The following NRG1 variants were observed in gnomAD, a reference collection of about 807,000 sequenced individuals.
NRG1 encodes the protein neuregulin 1.
Under a neutral mutation model 63.8 loss-of-function variants are expected in NRG1, and 18 were observed. That is an observed-to-expected ratio of 0.28 (90% CI 0.19 to 0.42). NRG1 has a LOEUF of 0.42. Ranked by LOEUF, NRG1 falls within the 10% of genes least tolerant of loss-of-function variation. The pLI is 1.00. For synonymous variants in NRG1, 302 were observed against 301.3 expected, an observed-to-expected ratio of 1.00 and a Z score of -0.02; for missense variants, 762 against 814.7, an observed-to-expected ratio of 0.94 and a Z score of 0.79.
At chr8:32,758,106 G>A (rs1332991933) in intron 9 of NRG1, among the ~76,000 whole-genome samples, 2 of 152,060 alleles carry the variant, frequency 1.3e-5, no homozygotes, top group South Asian at 2.1e-4. Flanking sequence ...TTTAGAGCCC[G>A]CAGACCGTCA....
rs563407467 is a variant in NRG1 at position 31,929,702 on chromosome 8, T to C, written c.37+290271T>C. Reference sequence around the variant, plus strand: ...CCCAACTAAGACATATAACTTCCTGTTATCCTTTCACTACCTTTGATAACA... The same window carrying C: ...CCCAACTAAGACATATAACTTCCTGCTATCCTTTCACTACCTTTGATAACA... On this transcript the variant is annotated intron_variant, in intron 1 of 10. Transcript: ENST00000519301. Among the ~76,000 whole-genome samples the C allele has an allele frequency of 5.4e-4, 82 of 152,350 alleles. 3 individuals are homozygous for C. In the South Asian group the frequency reaches 0.016, roughly 30 times the overall value.
intron 1 of NRG1, among the ~76,000 whole-genome samples, chr8:31,875,399 G>A (rs1209733015): frequency 6.6e-6 from 1 of 152,116 alleles, no homozygotes; most frequent in African/African-American, 2.4e-5. Context: ...ATAAAGAAAG[G>A]CCACTTTATA....
At chr8:32,288,090 C>T (rs905674239) in intron 1 of NRG1, among the ~76,000 whole-genome samples, 2 of 152,138 alleles carry the variant, frequency 1.3e-5, no homozygotes, top group Non-Finnish European at 2.9e-5. Context: ...TTTCAATCAA[C>T]GTGGGTAGAG....
chr8:32,159,511 G>A (rs1366260240), intron 1 of NRG1, among the ~76,000 whole-genome samples: 2 of 146,128 alleles, frequency 1.4e-5, no homozygotes, highest in African/African-American at 2.7e-5. Context: ...TCCGCAGTCC[G>A]GCCTGGGCGA....
At chr8:31,904,577 A>G (rs1314222380) in intron 1 of NRG1, among the ~76,000 whole-genome samples, 1 of 152,210 alleles carries the variant, frequency 6.6e-6, no homozygotes, top group African/African-American at 2.4e-5. Flanking sequence ...ACACGCATGC[A>G]TATGTTCATC....
chr8:32,434,392 T>A (rs1818531821), intron 1 of NRG1, among the ~76,000 whole-genome samples: 1 of 152,092 alleles, frequency 6.6e-6, no homozygotes, highest in Non-Finnish European at 1.5e-5. Context: ...ATATGTAGGA[T>A]TATCCAGACT....
intron 1 of NRG1, among the ~76,000 whole-genome samples, chr8:32,186,875 G>A (rs1842023924): frequency 6.6e-6 from 1 of 152,176 alleles, no homozygotes; most frequent in Non-Finnish European, 1.5e-5. Context: ...GAGTTCCACA[G>A]TCAGAACCTT....
chr8:32,414,309 G>A (rs1815550551), intron 1 of NRG1, among the ~76,000 whole-genome samples: 1 of 152,126 alleles, frequency 6.6e-6, no homozygotes, highest in South Asian at 2.1e-4. Context: ...TGTTCAGCTC[G>A]AAGCTGACTC....
upstream of NRG1, among the ~76,000 whole-genome samples, chr8:32,547,277 A>C (rs1209992328): frequency 6.6e-6 from 1 of 152,138 alleles, no homozygotes. Flanking sequence ...AGGGAGGACA[A>C]GGGAAGGAGT....
Position 31,840,479 on chromosome 8 carries a change from C to A in NRG1, c.37+201048C>A, listed in dbSNP as rs534229338. Among the ~76,000 whole-genome samples the A allele has an allele frequency of 4.1e-4, 62 of 151,848 alleles. 1 individual carries two copies. Among genetic ancestry groups the A allele is most frequent in the African/African-American group, 1.3e-3 (54 of 41,396 alleles). On this transcript the variant is annotated intron_variant, in intron 1 of 10. Coordinates refer to the NRG1 transcript ENST00000519301. ...CAAGTCTGACTGCATTCCACCTGGA[C>A]CCTGCCTTTGTCTCTCATGTTTTTA... is the stretch of plus-strand genomic sequence containing the variant.
chr8:32,089,965 G>A (rs944688170), intron 1 of NRG1, among the ~76,000 whole-genome samples: 1 of 152,154 alleles, frequency 6.6e-6, no homozygotes, highest in Non-Finnish European at 1.5e-5. Flanking sequence ...AATGTATGTG[G>A]TGAAACAGAA....
intron 1 of NRG1, among the ~76,000 whole-genome samples, chr8:32,057,686 C>G (rs1457611379): frequency 6.6e-6 from 1 of 152,132 alleles, no homozygotes; most frequent in Non-Finnish European, 1.5e-5. Flanking sequence ...TCATTTCAGT[C>G]TTTTTGAACT....
chr8:31,901,779 A>G (rs933955789), intron 1 of NRG1, among the ~76,000 whole-genome samples: 2 of 152,184 alleles, frequency 1.3e-5, no homozygotes, highest in Admixed American at 6.5e-5. Flanking sequence ...GACTCATTGA[A>G]GCTCCAGGAA....
intron 1 of NRG1, among the ~76,000 whole-genome samples, chr8:31,925,772 A>T (rs1834312475): frequency 6.6e-6 from 1 of 152,176 alleles, no homozygotes; most frequent in Non-Finnish European, 1.5e-5. Context: ...ATTCAATTAT[A>T]GAACTTTCTG....
intron 5 of NRG1, among the ~76,000 whole-genome samples, chr8:32,714,109 G>A (rs1379575699): frequency 1.3e-5 from 2 of 152,102 alleles, no homozygotes; most frequent in Non-Finnish European, 2.9e-5. Context: ...ACAAGTGTGA[G>A]CCCCTCCACC....
intron 1 of NRG1, among the ~76,000 whole-genome samples, chr8:32,411,471 T>C (rs895948849): frequency 6.6e-6 from 1 of 152,224 alleles, no homozygotes; most frequent in Admixed American, 6.5e-5. Flanking sequence ...GCTGAGGCCA[T>C]GTACCTCAAT....
intron 5 of NRG1, among the ~76,000 whole-genome samples, chr8:32,714,528 A>T (rs547583484): frequency 1.3e-5 from 2 of 152,200 alleles, no homozygotes; most frequent in African/African-American, 4.8e-5. Flanking sequence ...CAAATGGGGG[A>T]AAAAATAATG....
intron 5 of NRG1, chr8:32,648,339 C>G (rs1854151244): frequency 6.2e-7 from 1 of 1,614,168 alleles, no homozygotes; most frequent in African/African-American, 1.3e-5. Context: ...GTCAGCAACT[C>G]AGCCACAAAC....
chr8:31,728,605 G>A (rs569319806), intron 1 of NRG1, among the ~76,000 whole-genome samples: 24 of 152,236 alleles, frequency 1.6e-4, no homozygotes, highest in African/African-American at 5.5e-4. Context: ...ATGAAAGCTG[G>A]TGTGTTAAAT....
Sources: allele counts gnomAD v4.1 joint callset (sites outside exome capture counted in the v4.1 genomes callset), GRCh38; gene constraint gnomAD v4.1.1; transcripts MANE v1.5; gene names NCBI Gene and HGNC (gene_info 2026-07-23, HGNC 2026-07-21).